Variants in RELN observed in about 807,000 individuals in gnomAD.
RELN encodes the protein reelin.
RELN carries 108 observed loss-of-function variants against 427.6 expected under a neutral mutation model. The ratio of observed to expected loss-of-function variants is 0.25; its 90% CI spans 0.22 to 0.30. The LOEUF is 0.30. Ranked by LOEUF, RELN falls within the 10% of genes least tolerant of loss-of-function variation. RELN has a pLI of 1.00. For missense variants in RELN, 3,715 were observed against 4,302.8 expected, an observed-to-expected ratio of 0.86 and a Z score of 3.82; for synonymous variants, 1,524 against 1,513.4, an observed-to-expected ratio of 1.01 and a Z score of -0.16.
At chr7:103,770,648 T>A (rs575691886) in intron 4 of RELN, among the ~76,000 whole-genome samples, 103 of 112,544 alleles carry the variant, frequency 9.2e-4, no homozygotes, top group South Asian at 2.7e-3. Context: ...CTTATTTTTT[T>A]TAAAAATTTT....
At chr7:103,794,155 A>G (rs932549469) in intron 3 of RELN, among the ~76,000 whole-genome samples, 1 of 152,160 alleles carries the variant, frequency 6.6e-6, no homozygotes, top group Non-Finnish European at 1.5e-5. Flanking sequence ...TATCTAGACT[A>G]GTGATTCTAG....
At chr7:103,799,092 G>A (rs1413782922) in intron 3 of RELN, among the ~76,000 whole-genome samples, 1 of 152,122 alleles carries the variant, frequency 6.6e-6, no homozygotes. Flanking sequence ...TAACAAAATT[G>A]CAATTTACAG....
At chr7:103,903,653 CTT>C (rs374541017) in intron 2 of RELN, among the ~76,000 whole-genome samples, 1 of 151,536 alleles carries the variant, frequency 6.6e-6, no homozygotes, top group Non-Finnish European at 1.5e-5. Flanking sequence ...TCCTGATGTT[CTT>C]TTTTTTGTTT....
chr7:103,778,026 C>A (rs1791789949), intron 3 of RELN, among the ~76,000 whole-genome samples: 1 of 152,198 alleles, frequency 6.6e-6, no homozygotes, highest in African/African-American at 2.4e-5. Flanking sequence ...GGGGCGTCAG[C>A]CCTTGTTGTT....
intron 59 of RELN, among the ~76,000 whole-genome samples, chr7:103,490,220 T>A (rs1467918654): frequency 6.6e-6 from 1 of 152,212 alleles, no homozygotes; most frequent in Non-Finnish European, 1.5e-5. Context: ...AATGCTGCTC[T>A]AGGAAGATTG....
intron 31 of RELN, among the ~76,000 whole-genome samples, chr7:103,567,920 C>T (rs1180426193): frequency 1.3e-5 from 2 of 152,092 alleles, no homozygotes; most frequent in African/African-American, 4.8e-5. Flanking sequence ...CCTCTGCCCT[C>T]CAAGTAGCTG....
intron 7 of RELN, 60 bp downstream of exon 7, chr7:103,728,051 T>C (rs754940410): frequency 6.4e-7 from 1 of 1,553,338 alleles, no homozygotes; most frequent in African/African-American, 1.4e-5. Flanking sequence ...AAAACTTTTG[T>C]TGGCAAAAAG....
At chr7:103,826,855 A>G (rs1047174074) in intron 3 of RELN, among the ~76,000 whole-genome samples, 1 of 152,150 alleles carries the variant, frequency 6.6e-6, no homozygotes, top group Non-Finnish European at 1.5e-5. Flanking sequence ...CAAGTACAAT[A>G]GTAATCCCAT....
chr7:103,799,912 CA>C (rs1358112795), intron 3 of RELN, among the ~76,000 whole-genome samples: 1 of 151,946 alleles, frequency 6.6e-6, no homozygotes, highest in African/African-American at 2.4e-5. Flanking sequence ...AAAGAATCAA[CA>C]AAAACCACGT....
At chr7:103,924,991 TACACACACACACACACACACACAC>T (rs57662220) in intron 1 of RELN, among the ~76,000 whole-genome samples, 4 of 49,050 alleles carry the variant, frequency 8.2e-5, no homozygotes, top group African/African-American at 2.4e-4. Context: ...CGCATACACA[TACACACACACACACACACACACAC>T]ACACACACAC....
At chr7:103,740,101 A>G (rs1389098048) in intron 6 of RELN, among the ~76,000 whole-genome samples, 3 of 152,206 alleles carry the variant, frequency 2.0e-5, no homozygotes, top group Non-Finnish European at 4.4e-5. Flanking sequence ...CTACCTTTGC[A>G]CTAATAAGAC....
rs1319458992 is a variant in RELN at position 103,495,809 on chromosome 7, A to C, written c.9283T>G (p.Trp3095Gly). 6.2e-7 allele frequency: 1 copy of C among 1,613,908 alleles called. No individual in the cohort carries two copies. Among genetic ancestry groups the C allele is most frequent in the Non-Finnish European group, 8.5e-7 (1 of 1,179,980 alleles). ...FCGNPSFHLY[W>G]PNKKKDKTHN... ...GTCTTGTCCTTCTTTTTATTTGGCCAATAGAGGTGAAAGGATGGATTGCCA... is the reference window on the plus strand; with the variant it reads ...GTCTTGTCCTTCTTTTTATTTGGCCCATAGAGGTGAAAGGATGGATTGCCA... The change falls in exon 57 of 65, where the codon TGG becomes GGG. Residue 3095 changes from tryptophan to glycine, a missense_variant. Transcript: ENST00000428762.
chr7:103,634,085 A>C (rs1186034825), intron 19 of RELN, among the ~76,000 whole-genome samples: 1 of 152,114 alleles, frequency 6.6e-6, no homozygotes, highest in African/African-American at 2.4e-5. Context: ...GTTCTCATCT[A>C]TTTGCAAATA....
chr7:103,655,582 G>C (rs1036415083), intron 12 of RELN, among the ~76,000 whole-genome samples: 1 of 152,082 alleles, frequency 6.6e-6, no homozygotes, highest in African/African-American at 2.4e-5. Context: ...AACTCGACCT[G>C]AGTAATTGGG....
intron 2 of RELN, among the ~76,000 whole-genome samples, chr7:103,850,328 T>G (rs959810013): frequency 3.9e-5 from 6 of 152,108 alleles, no homozygotes; most frequent in South Asian, 2.1e-4. Flanking sequence ...AGGCCCCCAT[T>G]GGAGAAGCTG....
chr7:103,983,961 G>A (rs1254887348), intron 1 of RELN, among the ~76,000 whole-genome samples: 1 of 151,856 alleles, frequency 6.6e-6, no homozygotes, highest in Non-Finnish European at 1.5e-5. Flanking sequence ...CTTTTCAAAT[G>A]TAAAGGTTAT....
At chr7:103,744,631 A>G (rs1300176565) in intron 6 of RELN, among the ~76,000 whole-genome samples, 1 of 152,232 alleles carries the variant, frequency 6.6e-6, no homozygotes, top group African/African-American at 2.4e-5. Flanking sequence ...AGAATACTAT[A>G]AACACCTCTA....
chr7:103,987,945 A>C (rs1405259532), intron 1 of RELN, among the ~76,000 whole-genome samples: 2 of 152,214 alleles, frequency 1.3e-5, no homozygotes, highest in African/African-American at 4.8e-5. Flanking sequence ...AATAGATATC[A>C]AGGTTTTTTT....
At chr7:103,683,007 A>C (rs1005460029) in intron 10 of RELN, among the ~76,000 whole-genome samples, 74 of 152,224 alleles carry the variant, frequency 4.9e-4, no homozygotes, top group African/African-American at 1.8e-3. Context: ...TACTTTAAAA[A>C]ATTATTATAA....
Sources: allele counts gnomAD v4.1 joint callset (sites outside exome capture counted in the v4.1 genomes callset), GRCh38; gene constraint gnomAD v4.1.1; transcripts MANE v1.5; gene names NCBI Gene and HGNC (gene_info 2026-07-23, HGNC 2026-07-21).